L3MBTL4: variants seen among roughly 807,000 people sequenced by gnomAD.
L3MBTL4 encodes the protein L3MBTL histone methyl-lysine binding protein 4.
A neutral mutation model predicts 84.5 loss-of-function variants in L3MBTL4; 70 were observed. The ratio of observed to expected loss-of-function variants is 0.83; its 90% CI spans 0.68 to 1.01. L3MBTL4 has a LOEUF of 1.01. L3MBTL4 is among the 50% of genes least tolerant of loss of function. The pLI is 0.00. For missense variants in L3MBTL4, 715 were observed against 754.8 expected (o/e 0.95, Z 0.62); for synonymous variants, 274 against 259.8 (o/e 1.05, Z -0.52).
intron 1 of L3MBTL4, among the ~76,000 whole-genome samples, chr18:6,388,639 T>C (rs1343810987): frequency 1.3e-5 from 2 of 152,232 alleles, no homozygotes; most frequent in Non-Finnish European, 2.9e-5. Context: ...AAGGCAAGCA[T>C]ACAATTATCT....
chr18:6,269,594 G>C (rs887045371), intron 4 of L3MBTL4, among the ~76,000 whole-genome samples: 10 of 152,144 alleles, frequency 6.6e-5, no homozygotes, highest in Admixed American at 3.9e-4. Context: ...CAATGCAAAA[G>C]GAATAAATTC....
At chr18:6,151,177 T>C (rs554942326) in intron 13 of L3MBTL4, among the ~76,000 whole-genome samples, 15 of 152,322 alleles carry the variant, frequency 9.8e-5, no homozygotes, top group African/African-American at 3.6e-4. Flanking sequence ...CATTTATGTG[T>C]TCCCCATTCA....
chr18:6,081,012 G>A, intron 15 of L3MBTL4, 61 bp from the exon 16 acceptor site: 1 of 1,250,694 alleles, frequency 8.0e-7, no homozygotes, highest in Non-Finnish European at 1.1e-6. Context: ...AAGAAATCAT[G>A]ATAGCAGCAC....
intron 4 of L3MBTL4, among the ~76,000 whole-genome samples, chr18:6,268,059 G>T (rs62079187): frequency 0.013 from 1,913 of 152,226 alleles, 38 homozygotes; most frequent in African/African-American, 0.043. Context: ...GGAAACTGTC[G>T]TGGTATTTTC....
At chr18:6,382,885 C>T (rs1264542440) in intron 1 of L3MBTL4, among the ~76,000 whole-genome samples, 1 of 152,190 alleles carries the variant, frequency 6.6e-6, no homozygotes, top group Non-Finnish European at 1.5e-5. Context: ...CAGGCAGGGA[C>T]GTTTAAGTCT....
intron 4 of L3MBTL4, among the ~76,000 whole-genome samples, chr18:6,274,182 C>T (rs902028204): frequency 6.6e-6 from 1 of 152,172 alleles, no homozygotes; most frequent in Non-Finnish European, 1.5e-5. Flanking sequence ...GATACCCAAA[C>T]CAGCAGCATC....
intron 16 of L3MBTL4, among the ~76,000 whole-genome samples, chr18:6,027,428 G>A (rs1013632675): frequency 6.6e-6 from 1 of 152,198 alleles, no homozygotes; most frequent in Non-Finnish European, 1.5e-5. Context: ...TCTTTGTCCA[G>A]TCTATCATTG....
At chr18:6,193,378 G>A (rs1385457858) in intron 12 of L3MBTL4, among the ~76,000 whole-genome samples, 4 of 152,174 alleles carry the variant, frequency 2.6e-5, no homozygotes, top group Non-Finnish European at 5.9e-5. Context: ...AAACCCAGAG[G>A]GCTTTAGGGA....
chr18:6,190,695 A>C (rs905413265), intron 12 of L3MBTL4, among the ~76,000 whole-genome samples: 3 of 152,236 alleles, frequency 2.0e-5, no homozygotes, highest in African/African-American at 4.8e-5. Flanking sequence ...ATAATCAAAT[A>C]ATATCAAATA....
At chr18:6,127,536 T>C (rs972544130) in intron 14 of L3MBTL4, among the ~76,000 whole-genome samples, 19 of 152,364 alleles carry the variant, frequency 1.2e-4, no homozygotes, top group African/African-American at 4.6e-4. Context: ...AGAGAATACA[T>C]AGCAGATTGG....
rs71370550 is a variant in L3MBTL4 at position 6,318,494 on chromosome 18, T to TAAA, written c.-90-6441_-90-6439dup. ...AAAACAGACTTTCAAACAACAATAG[T>TAAA]AAAAAAAAAAAAAAAAAAAAAAAAA... On this transcript the variant is annotated intron_variant, in intron 1 of 18. Coordinates refer to ENST00000317931, the MANE Select transcript of L3MBTL4 (RefSeq NM_001330559.2). Among the ~76,000 whole-genome samples, 47 of 14,208 alleles carry TAAA rather than the reference T, an allele frequency of 3.3e-3. 1 individual carries two copies. The highest frequency in any genetic ancestry group is 4.2e-3 in the Non-Finnish European group (32 of 7,710). The allele number at this position is 14,208 out of a possible 152,430, so 9.3% of individuals were successfully genotyped here. A position where few individuals can be genotyped will look rare whatever the true frequency, so the allele number is the denominator to read the frequency against.
At chr18:6,143,937 C>G (rs2042528514) in intron 13 of L3MBTL4, among the ~76,000 whole-genome samples, 1 of 152,106 alleles carries the variant, frequency 6.6e-6, no homozygotes, top group African/African-American at 2.4e-5. Flanking sequence ...GTGGCTCACG[C>G]CTGTAATCCC....
At chr18:6,357,308 A>G (rs1305161988) in intron 1 of L3MBTL4, among the ~76,000 whole-genome samples, 2 of 152,230 alleles carry the variant, frequency 1.3e-5, no homozygotes, top group Admixed American at 1.3e-4. Context: ...ACATTCTGTG[A>G]AATTCCTAAG....
intron 16 of L3MBTL4, among the ~76,000 whole-genome samples, chr18:5,970,135 C>T (rs746978504): frequency 1.3e-5 from 2 of 152,234 alleles, no homozygotes; most frequent in Non-Finnish European, 1.5e-5. Context: ...CTGCAGATCC[C>T]CAGCAGCGCA....
chr18:6,055,833 T>C (rs571013447), intron 16 of L3MBTL4, among the ~76,000 whole-genome samples: 26 of 152,314 alleles, frequency 1.7e-4, no homozygotes, highest in African/African-American at 6.0e-4. Flanking sequence ...TCCACTATTA[T>C]ACTTCATGAT....
intron 12 of L3MBTL4, among the ~76,000 whole-genome samples, chr18:6,186,757 G>C (rs971163761): frequency 6.6e-6 from 1 of 152,204 alleles, no homozygotes; most frequent in Non-Finnish European, 1.5e-5. Flanking sequence ...GTCAGGGTAC[G>C]CAGAGAGCCG....
intron 16 of L3MBTL4, among the ~76,000 whole-genome samples, chr18:5,983,046 C>G (rs2053307084): frequency 6.6e-6 from 1 of 152,144 alleles, no homozygotes; most frequent in Non-Finnish European, 1.5e-5. Flanking sequence ...CTACCATGGA[C>G]AGTAATATGA....
At chr18:6,322,804 A>T (rs2051497419) in intron 1 of L3MBTL4, among the ~76,000 whole-genome samples, 1 of 152,136 alleles carries the variant, frequency 6.6e-6, no homozygotes. Flanking sequence ...AATAGTTAGA[A>T]AGAATAAGAT....
chr18:6,245,058 G>A (rs1018613819), intron 5 of L3MBTL4, among the ~76,000 whole-genome samples: 8 of 151,932 alleles, frequency 5.3e-5, no homozygotes, highest in Admixed American at 1.3e-4. Context: ...TACATACTGC[G>A]CCCAGCTAAT....
Sources: gnomAD v4.1 joint callset for allele counts (sites outside exome capture counted in the v4.1 genomes callset) on GRCh38, gnomAD v4.1.1 for gene constraint, MANE v1.5 for transcripts, NCBI Gene and HGNC (gene_info 2026-07-23, HGNC 2026-07-21) for gene names.